Variants in CRLS1 observed in about 807,000 individuals in gnomAD.
CRLS1 encodes the protein cardiolipin synthase (CMP-forming).
CRLS1 carries 24 observed loss-of-function variants against 37.0 expected under a neutral mutation model. The observed-to-expected ratio is 0.65, with a 90% CI of 0.47 to 0.91. The LOEUF (loss-of-function observed/expected upper bound fraction) is 0.91, where lower values mean the gene tolerates loss of function less well. CRLS1 is among the 40% of genes least tolerant of loss of function. The pLI is 0.00. For synonymous variants in CRLS1, 135 were observed against 159.7 expected, an observed-to-expected ratio of 0.85 and a Z score of 1.17; for missense variants, 373 against 395.8, an observed-to-expected ratio of 0.94 and a Z score of 0.49.
intron 3 of CRLS1, chr20:6,015,913 T>C (rs16991647): frequency 0.071 from 15,519 of 217,868 alleles, 909 homozygotes; most frequent in African/African-American, 0.17. Flanking sequence ...AAATTTCACA[T>C]TATGTAGACC....
intron 3 of CRLS1, among the ~76,000 whole-genome samples, chr20:6,025,896 A>G (rs534617295): frequency 6.6e-6 from 1 of 152,344 alleles, no homozygotes; most frequent in East Asian, 1.9e-4. Context: ...CTTGATAAAA[A>G]TTACCTGAGT....
intron 6 of CRLS1, 113 bp from the exon 7 acceptor site, chr20:6,036,961 C>T: frequency 1.4e-6 from 1 of 727,586 alleles, no homozygotes; most frequent in African/African-American, 1.8e-5. Flanking sequence ...GCCCTTTTTA[C>T]TTTTTAAATT....
At position 6,038,137 on chromosome 20, in the gene CRLS1, C is replaced by G. The variant is rs1325551264; in HGVS notation, c.*979C>G. The G allele has an allele frequency of 6.6e-6, 1 of 152,208 alleles. No individual in the cohort carries two copies. The highest frequency in any genetic ancestry group is 1.5e-5 in the Non-Finnish European group (1 of 68,040). The allele number at this position is 152,208 out of a possible 1,614,324, so 9.4% of individuals were successfully genotyped here. ...TCACAGAGTCCATTCATGTACATCA[C>G]TTACACTTAAATTGTAAAAATAATT... On this transcript the variant is annotated 3_prime_UTR_variant, in exon 7 of 7. Transcript: ENST00000378863.
At chr20:6,027,554 A>C (rs1379729057) in intron 3 of CRLS1, among the ~76,000 whole-genome samples, 1 of 151,760 alleles carries the variant, frequency 6.6e-6, no homozygotes, top group Non-Finnish European at 1.5e-5. Flanking sequence ...AGCTGGGATT[A>C]CAGGCATGCA....
At chr20:6,011,018 TAA>T (rs879901246) in intron 2 of CRLS1, among the ~76,000 whole-genome samples, 7 of 139,984 alleles carry the variant, frequency 5.0e-5, no homozygotes, top group East Asian at 2.1e-4. Context: ...ACTTGTCTCT[TAA>T]AAAAAAAAAA....
intron 2 of CRLS1, among the ~76,000 whole-genome samples, chr20:6,012,696 A>G (rs1978420090): frequency 1.3e-5 from 2 of 152,288 alleles, no homozygotes; most frequent in Admixed American, 1.3e-4. Flanking sequence ...GAGTTGGAGG[A>G]AGTCATCGTT....
At chr20:6,009,192 G>A (rs6139889) in intron 1 of CRLS1, among the ~76,000 whole-genome samples, 72,402 of 151,630 alleles carry the variant, frequency 0.48, 17,631 homozygotes, top group East Asian at 0.58. Context: ...GCATGGTGGC[G>A]GGCACCTGTA....
chr20:6,009,784 C>A lies in CRLS1; in HGVS notation c.316C>A (p.Pro106Thr). The stretch of plus-strand genomic sequence containing the variant: ...TGTCTTTGTGTTTCAGTATGAAAAC[C>A]CATGGACAATCCCGAATATGTTGTC... The part of the protein sequence containing the change: ...PASTPSLYEN[P>T]WTIPNMLSMT... Residue 106 changes from proline (P) to threonine (T), a missense_variant, in exon 2 of 7, where the codon CCA becomes ACA. Pro to Thr is a conservative substitution (Grantham distance 38). Transcript: ENST00000378863. 2 of 1,612,038 alleles carry A rather than the reference C, an allele frequency of 1.2e-6. No homozygotes were observed. The highest frequency in any genetic ancestry group is 1.7e-6 in the Non-Finnish European group (2 of 1,178,880).
intron 6 of CRLS1, 98 bp downstream of exon 6, chr20:6,034,653 T>C: frequency 2.3e-6 from 2 of 853,268 alleles, no homozygotes; most frequent in Non-Finnish European, 3.8e-6. Flanking sequence ...TGTTGAGCAC[T>C]GACTGGGTAA....
In CRLS1 at chr20:6,039,807, T is replaced by A. The variant is rs1388797399; in HGVS notation, c.*2649T>A. ...GCCGTGAGATGATGGAGGGATAGAT[T>A]GGAATGATGTCTGCGAGCTAAGGAA... On this transcript the variant is annotated 3_prime_UTR_variant, in exon 7 of 7. Transcript: ENST00000378863. 1 of 150,968 alleles carries A rather than the reference T, an allele frequency of 6.6e-6. No individual in the cohort carries two copies. Among genetic ancestry groups the A allele is most frequent in the Non-Finnish European group, 1.5e-5 (1 of 67,888 alleles). 9.4% of individuals were successfully genotyped at this position (150,968 alleles called of 1,614,324 possible).
chr20:6,020,297 C>T (rs903963779), intron 3 of CRLS1, among the ~76,000 whole-genome samples: 1 of 152,110 alleles, frequency 6.6e-6, no homozygotes, highest in African/African-American at 2.4e-5. Context: ...ATTGCATCTC[C>T]TATGTTGGTT....
At chr20:6,018,783 G>C (rs1978975113) in intron 3 of CRLS1, among the ~76,000 whole-genome samples, 1 of 152,094 alleles carries the variant, frequency 6.6e-6, no homozygotes, top group Admixed American at 6.5e-5. Context: ...CTCCTTTTGT[G>C]TATTCCTATG....
chr20:6,037,053 ATTTCT>A lies in CRLS1; in HGVS notation c.822-14_822-10del, dbSNP rs772538858. The A allele has an allele frequency of 2.5e-6, 4 of 1,574,404 alleles. No homozygotes were observed. Among genetic ancestry groups the A allele is most frequent in the Non-Finnish European group, 1.7e-6 (2 of 1,147,198 alleles). On this transcript the variant is annotated splice_polypyrimidine_tract_variant and intron_variant, in intron 6 of 6. Transcript: ENST00000378863. ...TTTTTAGACTTGACAACTACATTTT[ATTTCT>A]TTTCTTCCATAAAAGGTGTTTTACA...
chr20:6,008,117 G>T (rs1363631462), intron 1 of CRLS1, among the ~76,000 whole-genome samples: 8 of 98,300 alleles, frequency 8.1e-5, no homozygotes, highest in Middle Eastern at 7.7e-3. Context: ...TTACAGGATA[G>T]TTCATAGAAT....
At chr20:6,016,310 T>A (rs1405511019) in intron 3 of CRLS1, among the ~76,000 whole-genome samples, 2 of 152,200 alleles carry the variant, frequency 1.3e-5, no homozygotes, top group Non-Finnish European at 2.9e-5. Flanking sequence ...CAGTCTAGTC[T>A]CCCCCAACTG....
Position 6,006,406 on chromosome 20 carries a change from G to GCCGCTCTTGGCTTGCGGCTGC in CRLS1, c.164_184dup (p.Ala55_Pro61dup). On this transcript the variant is annotated inframe_insertion, in exon 1 of 7. Coordinates refer to ENST00000378863, the MANE Select transcript of CRLS1 (RefSeq NM_019095.6). ...GGCCGAACGCTGGAGGCTGCGTCCG[G>GCCGCTCTTGGCTTGCGGCTGC]CCGCTCTTGGCTTGCGGCTGCCCGG... is the stretch of plus-strand genomic sequence containing the variant. 4 of 1,408,828 alleles carry GCCGCTCTTGGCTTGCGGCTGC rather than the reference G, an allele frequency of 2.8e-6. No homozygotes were observed. The highest frequency in any genetic ancestry group is 3.7e-6 in the Non-Finnish European group (4 of 1,080,230). The allele number at this position is 1,408,828 out of a possible 1,614,324, so 87.3% of individuals were successfully genotyped here.
chr20:6,022,895 C>T (rs1322121258), intron 3 of CRLS1, among the ~76,000 whole-genome samples: 6 of 152,082 alleles, frequency 3.9e-5, no homozygotes, highest in Non-Finnish European at 7.4e-5. Context: ...CTATGTTAGA[C>T]GTTCTCCCCG....
chr20:6,006,612 C>A (rs1449761577), intron 1 of CRLS1, 60 bp downstream of exon 1: 2 of 1,241,524 alleles, frequency 1.6e-6, no homozygotes, highest in South Asian at 3.4e-5. Flanking sequence ...CCCCTGCACT[C>A]AGGTAACAAG....
At chr20:6,011,185 G>C (rs185669705) in intron 2 of CRLS1, among the ~76,000 whole-genome samples, 1 of 152,076 alleles carries the variant, frequency 6.6e-6, no homozygotes, top group Non-Finnish European at 1.5e-5. Context: ...CCAGACAGGC[G>C]GTGCTTTGGT....
Sources: gnomAD v4.1 joint callset for allele counts (sites outside exome capture counted in the v4.1 genomes callset) on GRCh38, gnomAD v4.1.1 for gene constraint, MANE v1.5 for transcripts, NCBI Gene and HGNC (gene_info 2026-07-23, HGNC 2026-07-21) for gene names.